The following THOP1 variants were observed in gnomAD, a reference collection of about 807,000 sequenced individuals.
THOP1 encodes thimet oligopeptidase 1, also known as thimet oligopeptidase.
Under a neutral mutation model 71.8 loss-of-function variants are expected in THOP1, and 49 were observed. That is an observed-to-expected ratio of 0.68 (90% confidence interval 0.54 to 0.87). The LOEUF (loss-of-function observed/expected upper bound fraction) is 0.87, where lower values mean the gene tolerates loss of function less well. Ranked by LOEUF, THOP1 falls within the 40% of genes least tolerant of loss-of-function variation. THOP1 has a pLI of 0.00. For missense variants in THOP1, 843 were observed against 975.6 expected (o/e 0.86, Z 1.81); for synonymous variants, 426 against 421.5 (o/e 1.01, Z -0.13).
intron 3 of THOP1, 90 bp from the exon 4 acceptor site, chr19:2,795,991 G>A (rs1916003690): frequency 1.0e-5 from 10 of 971,054 alleles, no homozygotes; most frequent in East Asian, 5.3e-5. Context: ...CACGGGGGCC[G>A]GATGATCAGG....
intron 4 of THOP1, among the ~76,000 whole-genome samples, chr19:2,797,506 A>G (rs1245641773): frequency 6.6e-6 from 1 of 152,236 alleles, no homozygotes; most frequent in Non-Finnish European, 1.5e-5. Context: ...GCTACCAGCT[A>G]GCCTGCAATG....
chr19:2,812,031 C>T (rs958633256), intron 12 of THOP1: 2 of 1,055,610 alleles, frequency 1.9e-6, no homozygotes, highest in Admixed American at 6.1e-5. Context: ...CTGCAGGAAG[C>T]TCCACACTGG....
intron 4 of THOP1, among the ~76,000 whole-genome samples, chr19:2,798,729 T>C (rs1347409717): frequency 1.3e-5 from 2 of 152,240 alleles, no homozygotes; most frequent in African/African-American, 4.8e-5. Flanking sequence ...CTGGGCACAG[T>C]TTCCCCCTGC....
At chr19:2,791,860 G>A (rs1211023975) in intron 2 of THOP1, among the ~76,000 whole-genome samples, 1 of 152,128 alleles carries the variant, frequency 6.6e-6, no homozygotes, top group Non-Finnish European at 1.5e-5. Flanking sequence ...TCAGGGTGAC[G>A]CCCAGCATCC....
intron 1 of THOP1, among the ~76,000 whole-genome samples, chr19:2,788,665 G>A (rs1915806466): frequency 1.3e-5 from 2 of 152,324 alleles, no homozygotes; most frequent in South Asian, 4.1e-4. Flanking sequence ...TTTTAGTAGA[G>A]ACGGGGTTTC....
At chr19:2,808,189 G>A (rs901556950) in intron 8 of THOP1, 54 bp from the exon 9 acceptor site, 9 of 1,524,374 alleles carry the variant, frequency 5.9e-6, no homozygotes, top group Non-Finnish European at 8.0e-6. Flanking sequence ...CGGAGTCAGG[G>A]ACTCTTGCGG....
chr19:2,787,020 G>T (rs2144754196), intron 1 of THOP1: 1 of 152,274 alleles, frequency 6.6e-6, no homozygotes, highest in African/African-American at 2.4e-5. Flanking sequence ...CTCCCAAAGT[G>T]CTGGGATTAC....
chr19:2,798,484 G>A (rs1027473863), intron 4 of THOP1, among the ~76,000 whole-genome samples: 7 of 152,224 alleles, frequency 4.6e-5, no homozygotes, highest in African/African-American at 7.2e-5. Flanking sequence ...TGCGAGGTCC[G>A]GATGCTGGCG....
intron 9 of THOP1, 113 bp from the exon 10 acceptor site, chr19:2,810,191 C>A (rs991583598): frequency 7.5e-7 from 1 of 1,331,768 alleles, no homozygotes; most frequent in Non-Finnish European, 1.0e-6. Context: ...CCGGGCCCAG[C>A]GCATCACCTG....
intron 12 of THOP1, among the ~76,000 whole-genome samples, chr19:2,812,588 C>G (rs539533511): frequency 2.0e-5 from 3 of 152,164 alleles, no homozygotes; most frequent in Admixed American, 1.3e-4. Flanking sequence ...TGGAGTCCCC[C>G]GGGTGGGAGC....
chr19:2,810,266 G>C, intron 9 of THOP1, 38 bp from the exon 10 acceptor site: 1 of 1,599,282 alleles, frequency 6.3e-7, no homozygotes, highest in Non-Finnish European at 8.5e-7. Context: ...GGGCTAGGCA[G>C]GACCTGGGCA....
At position 2,807,465 on chromosome 19, in the gene THOP1, C is replaced by A. The variant is rs772291028; in HGVS notation, c.910C>A (p.Pro304Thr). The A allele has an allele frequency of 1.6e-5, 26 of 1,598,786 alleles. No homozygotes were observed. Among genetic ancestry groups the A allele is most frequent in the Non-Finnish European group, 2.0e-5 (24 of 1,171,166 alleles). Residue 304 changes from proline (P) to threonine (T), a missense_variant, in exon 8 of 13, where the codon CCC becomes ACC. Transcript: ENST00000307741. ...FLDELAQKLK[P>T]LGEQERAVIL... ...AGATGAGCTGGCGCAGAAGCTGAAGCCCCTGGGGGAGCAGGAGCGTGCGGT... is the reference window on the plus strand; with the variant it reads ...AGATGAGCTGGCGCAGAAGCTGAAGACCCTGGGGGAGCAGGAGCGTGCGGT...
chr19:2,811,570 C>T lies in THOP1; in HGVS notation c.1772-28C>T, dbSNP rs371879622. On this transcript the variant is annotated intron_variant, in intron 11 of 12. Coordinates refer to ENST00000307741, the MANE Select transcript of THOP1 (RefSeq NM_003249.5). ...GAGGAGCATGGGGTGGGGGCTACAG[C>T]GTGAACCCTGCCATGTGTCCGCCCC... 176 of 1,604,560 alleles carry T rather than the reference C, an allele frequency of 1.1e-4. 1 individual carries two copies. The highest frequency in any genetic ancestry group is 5.6e-4 in the East Asian group (25 of 44,776).
Position 2,805,047 on chromosome 19 carries a change from G to A in THOP1, c.621G>A (p.Leu207=). Residue 207 remains leucine (L), a synonymous_variant, in exon 6 of 13, where the codon CTG becomes CTA. Coordinates refer to ENST00000307741, the MANE Select transcript of THOP1 (RefSeq NM_003249.5). This position sits in a 1 kb window ranked among gnomAD's most constrained non-coding sequence, Gnocchi z 6.6. ...TCCCCGAGGACTTTCTGAACTCCCT[G>A]GAGAAGATGGAGGACGGCAAGTTGA... The part of the protein sequence containing the change: ...GGLPEDFLNS[L]EKMEDGKLKV... 1 of 1,612,738 alleles carries A rather than the reference G, an allele frequency of 6.2e-7. No homozygotes were observed. The highest frequency in any genetic ancestry group is 1.3e-5 in the African/African-American group (1 of 75,034).
At position 2,808,255 on chromosome 19, in the gene THOP1, C is replaced by T. The variant is rs760615655; in HGVS notation, c.1266C>T (p.Tyr422=). The T allele has an allele frequency of 4.5e-5, 70 of 1,548,320 alleles. No individual in the cohort carries two copies. Among genetic ancestry groups the T allele is most frequent in the Admixed American group, 5.9e-5 (3 of 50,972 alleles). ...YLDLYPREGK[Y]GHAACFGLQP... ...CCTCCCTCCCCAGGGAAGGAAAGTA[C>T]GGGCACGCGGCCTGCTTTGGCCTGC... Residue 422 remains tyrosine (Y), a synonymous_variant, in exon 9 of 13, where the codon TAC becomes TAT. Transcript: ENST00000307741.
In THOP1 at chr19:2,814,912, C is replaced by G. The variant is rs984693042; in HGVS notation, c.*1636C>G. On this transcript the variant is annotated 3_prime_UTR_variant, in exon 13 of 13. Coordinates refer to ENST00000307741, the MANE Select transcript of THOP1 (RefSeq NM_003249.5). ...ACCCCATCTCTAAAAAAAATAAGTTCGGTGGGTGTGGGGCCAGTGCCTGTG... is the reference window on the plus strand; with the variant it reads ...ACCCCATCTCTAAAAAAAATAAGTTGGGTGGGTGTGGGGCCAGTGCCTGTG... 6.6e-6 allele frequency: 1 copy of G among 152,480 alleles called. No homozygotes were observed. Among genetic ancestry groups the G allele is most frequent in the African/African-American group, 2.4e-5 (1 of 41,370 alleles). The allele number at this position is 152,480 out of a possible 1,614,324, so 9.4% of individuals were successfully genotyped here.
chr19:2,811,891 C>T (rs8105590), intron 12 of THOP1, 157 bp downstream of exon 12: 103,559 of 746,550 alleles, frequency 0.14, 15,475 homozygotes, highest in East Asian at 0.41. Context: ...ACAGGGAGGG[C>T]GTCCTCAACA....
chr19:2,797,291 A>G (rs538654539), intron 4 of THOP1, among the ~76,000 whole-genome samples: 3 of 152,096 alleles, frequency 2.0e-5, no homozygotes, highest in Admixed American at 2.0e-4. Context: ...TTGCACGTGA[A>G]AGATGTTTGC....
chr19:2,795,141 G>T (rs1915984268), intron 3 of THOP1, among the ~76,000 whole-genome samples: 1 of 152,018 alleles, frequency 6.6e-6, no homozygotes, highest in East Asian at 1.9e-4. Context: ...TGTATTTTTA[G>T]TAGGCACAGG....
Sources: allele counts gnomAD v4.1 joint callset (sites outside exome capture counted in the v4.1 genomes callset), GRCh38; gene constraint gnomAD v4.1.1; non-coding constraint Gnocchi (gnomAD v3.1); transcripts MANE v1.5; gene names NCBI Gene and HGNC (gene_info 2026-07-23, HGNC 2026-07-21).